The following BMAL1 variants were observed in gnomAD, a reference collection of about 807,000 sequenced individuals.
The protein encoded by BMAL1 is basic helix-loop-helix ARNT like 1.
the BMAL1 span, among the ~76,000 whole-genome samples, chr11:13,358,241 T>C: frequency 0.15 from 23,384 of 152,210 alleles, 2,407 homozygotes; most frequent in African/African-American, 0.29. Context: ...CATAAAAAAA[T>C]TAATACTGAC....
chr11:13,354,720 C>A, the BMAL1 span: 1 of 399,316 alleles, frequency 2.5e-6, no homozygotes, highest in African/African-American at 2.0e-5. Flanking sequence ...AGGCCAAGTT[C>A]TGTCTTTTAC....
At chr11:13,322,735 C>T in the BMAL1 span, among the ~76,000 whole-genome samples, 1 of 142,752 alleles carries the variant, frequency 7.0e-6, no homozygotes, top group African/African-American at 2.6e-5. Flanking sequence ...CACAGGTTCT[C>T]TCTTGGAAGA....
the BMAL1 span, chr11:13,355,118 C>T: frequency 8.0e-3 from 7,643 of 953,460 alleles, 64 homozygotes; most frequent in Middle Eastern, 0.018. Flanking sequence ...GCCGAAGCAC[C>T]TGCGTGGAAT....
chr11:13,326,257 A>G, the BMAL1 span, among the ~76,000 whole-genome samples: 11 of 151,954 alleles, frequency 7.2e-5, no homozygotes, highest in South Asian at 1.3e-3. Flanking sequence ...CTGAACTATC[A>G]ATGGAGATAA....
the BMAL1 span, among the ~76,000 whole-genome samples, chr11:13,322,842 T>G: frequency 1.3e-4 from 17 of 134,554 alleles, no homozygotes; most frequent in Non-Finnish European, 2.4e-4. Context: ...CAGGCTGGAG[T>G]GCAGTGGCAT....
the BMAL1 span, among the ~76,000 whole-genome samples, chr11:13,292,985 T>C: frequency 3.3e-5 from 5 of 151,696 alleles, no homozygotes; most frequent in Non-Finnish European, 7.4e-5. Flanking sequence ...GCAAAATCTC[T>C]GTTTTTAAGG....
chr11:13,318,887 T>A, the BMAL1 span, among the ~76,000 whole-genome samples: 1 of 152,246 alleles, frequency 6.6e-6, no homozygotes, highest in Non-Finnish European at 1.5e-5. Context: ...TTGTGATAAA[T>A]TCAGACAACA....
the BMAL1 span, among the ~76,000 whole-genome samples, chr11:13,337,272 AT>A: frequency 3.3e-5 from 5 of 151,612 alleles, no homozygotes; most frequent in Admixed American, 6.6e-5. Context: ...ATTCTGGTGA[AT>A]TTTTTTTTGT....
the BMAL1 span, chr11:13,277,835 G>C: frequency 1.3e-5 from 2 of 152,452 alleles, no homozygotes; most frequent in East Asian, 3.9e-4. Flanking sequence ...CAGGGACGGA[G>C]GTGCCTGTTT....
At chr11:13,295,084 G>A in the BMAL1 span, among the ~76,000 whole-genome samples, 1 of 152,114 alleles carries the variant, frequency 6.6e-6, no homozygotes, top group African/African-American at 2.4e-5. Context: ...TTCCCTGGGG[G>A]AAGGCACTGG....
the BMAL1 span, among the ~76,000 whole-genome samples, chr11:13,383,221 G>T: frequency 6.6e-6 from 1 of 152,150 alleles, no homozygotes; most frequent in African/African-American, 2.4e-5. Context: ...TCCATAGGTC[G>T]CAAGAGAGTA....
chr11:13,374,379 C>T, the BMAL1 span, among the ~76,000 whole-genome samples: 1 of 152,188 alleles, frequency 6.6e-6, no homozygotes, highest in African/African-American at 2.4e-5. Context: ...CTGTTTATCC[C>T]CCTTGTAGTT....
chr11:13,381,981 C>CA, the BMAL1 span, among the ~76,000 whole-genome samples: 4 of 152,200 alleles, frequency 2.6e-5, no homozygotes, highest in Admixed American at 2.6e-4. Flanking sequence ...TCTCCTAAAA[C>CA]AGAGAGAGAG....
At chr11:13,370,138 G>T in the BMAL1 span, among the ~76,000 whole-genome samples, 1 of 152,238 alleles carries the variant, frequency 6.6e-6, no homozygotes, top group East Asian at 1.9e-4. Context: ...TTTTTCCTTT[G>T]TCTTCCTTCT....
At chr11:13,311,076 C>T in the BMAL1 span, among the ~76,000 whole-genome samples, 1 of 152,232 alleles carries the variant, frequency 6.6e-6, no homozygotes, top group Admixed American at 6.5e-5. Context: ...TGCTTGTTTA[C>T]GGTGGTATCT....
At chr11:13,359,447 G>C in the BMAL1 span, among the ~76,000 whole-genome samples, 2 of 152,194 alleles carry the variant, frequency 1.3e-5, no homozygotes, top group Non-Finnish European at 2.9e-5. Context: ...TCCTGTGCTG[G>C]AAGAATGGCA....
the BMAL1 span, among the ~76,000 whole-genome samples, chr11:13,290,454 T>C: frequency 6.6e-6 from 1 of 152,130 alleles, no homozygotes; most frequent in Non-Finnish European, 1.5e-5. Flanking sequence ...TTGATTAGCC[T>C]GGGGGATTCA....
At chr11:13,365,422 C>T in the BMAL1 span, 38 of 1,288,026 alleles carry the variant, frequency 3.0e-5, no homozygotes, top group South Asian at 4.7e-4. Context: ...GAAAGCACAT[C>T]CTCTATTTGT....
the BMAL1 span, among the ~76,000 whole-genome samples, chr11:13,296,812 T>C: frequency 6.6e-6 from 1 of 152,376 alleles, no homozygotes; most frequent in South Asian, 2.1e-4. Context: ...AAGGAGAATA[T>C]GGCCATCAGC....
Sources: gnomAD v4.1 joint callset for allele counts (sites outside exome capture counted in the v4.1 genomes callset) on GRCh38, gnomAD v4.1.1 for gene constraint, MANE v1.5 for transcripts, NCBI Gene and HGNC (gene_info 2026-07-23, HGNC 2026-07-21) for gene names.